Variants in COL5A1 observed in about 807,000 individuals in gnomAD.
COL5A1 encodes collagen type V alpha 1 chain, also known as collagen alpha-1(V) chain.
A neutral mutation model predicts 263.7 loss-of-function variants in COL5A1; 16 were observed. The observed-to-expected ratio is 0.06, with a 90% CI of 0.04 to 0.09. The LOEUF (loss-of-function observed/expected upper bound fraction) is 0.09. Ranked by LOEUF, COL5A1 falls within the 10% of genes least tolerant of loss-of-function variation. The pLI, the probability that COL5A1 is intolerant of heterozygous loss-of-function variation, is 1.00. For synonymous variants in COL5A1, 1,012 were observed against 1,004.5 expected (o/e 1.01, Z -0.14); for missense variants, 2,036 against 2,540.5 (o/e 0.80, Z 4.27).
chr9:134,807,046 A>G lies in COL5A1; in HGVS notation c.3366+750A>G, dbSNP rs146017360. On this transcript the variant is annotated intron_variant, in intron 42 of 65. Transcript: ENST00000371817. Reference sequence around the variant, plus strand: ...GCTTCCTGCTAGCCTGCTTTCGTGAATAACCCACAAAATGCCACTTACCGT... The same window carrying G: ...GCTTCCTGCTAGCCTGCTTTCGTGAGTAACCCACAAAATGCCACTTACCGT... 5.8e-3 allele frequency among the ~76,000 whole-genome samples: 877 copies of G among 152,286 alleles called. 4 individuals carry two copies. The highest frequency in any genetic ancestry group is 1.0e-2 in the Non-Finnish European group (677 of 68,020).
At chr9:134,787,016 C>A (rs1837485349) in intron 31 of COL5A1, among the ~76,000 whole-genome samples, 1 of 152,226 alleles carries the variant, frequency 6.6e-6, no homozygotes, top group Non-Finnish European at 1.5e-5. Context: ...ACCCCATATG[C>A]AGGAGAGGTA....
chr9:134,796,733 G>A (rs1837922846), intron 35 of COL5A1, 115 bp from the exon 36 acceptor site: 2 of 998,652 alleles, frequency 2.0e-6, no homozygotes, highest in East Asian at 2.4e-5. Context: ...GAAAGGCCAT[G>A]GGGGTGGGAA....
At chr9:134,805,097 G>T in intron 40 of COL5A1, 33 bp downstream of exon 40, 1 of 1,613,710 alleles carries the variant, frequency 6.2e-7, no homozygotes, top group Non-Finnish European at 8.5e-7. Context: ...AATGAAATGG[G>T]ACAGGTGCAG....
chr9:134,727,476 G>A (rs1209470334), intron 5 of COL5A1, 79 bp downstream of exon 5: 2 of 1,513,032 alleles, frequency 1.3e-6, no homozygotes, highest in African/African-American at 2.7e-5. Context: ...CATAAGCCAT[G>A]GGACCCTTAT....
intron 1 of COL5A1, among the ~76,000 whole-genome samples, chr9:134,643,892 A>C (rs944141627): frequency 6.6e-6 from 1 of 152,048 alleles, no homozygotes; most frequent in African/African-American, 2.4e-5. Context: ...CATGCACCGG[A>C]CTGGGCTTGG....
intron 5 of COL5A1, among the ~76,000 whole-genome samples, chr9:134,728,208 G>T (rs1435180746): frequency 2.0e-5 from 3 of 152,244 alleles, no homozygotes; most frequent in African/African-American, 7.2e-5. Flanking sequence ...CTCCTGCCAG[G>T]CTCCTCCCAG....
At position 134,739,477 on chromosome 9, in the gene COL5A1, C is replaced by T. The variant is rs182439038; in HGVS notation, c.1494+669C>T. ...GAAACAAGGGCTGCGTGCGGGTGTT[C>T]GCGGGTGTTCACGCCAGGGCCCTGC... On this transcript the variant is annotated intron_variant, in intron 11 of 65. Transcript: ENST00000371817. Among the ~76,000 whole-genome samples the T allele has an allele frequency of 3.2e-4, 49 of 152,284 alleles. 1 individual carries two copies. Among genetic ancestry groups the T allele is most frequent in the Non-Finnish European group, 6.0e-4 (41 of 68,008 alleles).
At chr9:134,731,964 C>T (rs1006224261) in intron 8 of COL5A1, 107 bp from the exon 9 acceptor site, 49 of 1,307,754 alleles carry the variant, frequency 3.7e-5, no homozygotes, top group East Asian at 1.6e-4. Context: ...TGCCCAGCTA[C>T]GATAGTGCCC....
intron 1 of COL5A1, among the ~76,000 whole-genome samples, chr9:134,658,556 C>T (rs186302036): frequency 2.0e-5 from 3 of 152,178 alleles, no homozygotes; most frequent in Admixed American, 6.5e-5. Flanking sequence ...AGGGCCTGGC[C>T]GATTACAAAC....
chr9:134,724,983 A>C (rs549058922), intron 4 of COL5A1, among the ~76,000 whole-genome samples: 1 of 152,276 alleles, frequency 6.6e-6, no homozygotes, highest in South Asian at 2.1e-4. Context: ...CCCGCTGGCT[A>C]CTGTGGCTCT....
chr9:134,816,872 C>T (rs1325526661), intron 52 of COL5A1, among the ~76,000 whole-genome samples, 154 bp from the exon 53 acceptor site: 2 of 152,242 alleles, frequency 1.3e-5, no homozygotes, highest in Non-Finnish European at 2.9e-5. Context: ...GGGTGCGACA[C>T]TGTCTTAGGA....
chr9:134,782,149 G>A (rs551085316), intron 28 of COL5A1, among the ~76,000 whole-genome samples: 1 of 152,212 alleles, frequency 6.6e-6, no homozygotes, highest in Non-Finnish European at 1.5e-5. Flanking sequence ...ACCCAGGGGT[G>A]CGCGGGCCGC....
chr9:134,731,471 C>G (rs747653398), intron 7 of COL5A1, 25 bp from the exon 8 acceptor site: 2 of 1,613,318 alleles, frequency 1.2e-6, no homozygotes, highest in Admixed American at 1.7e-5. Context: ...GCGAGGCAAC[C>G]CTGCGCCTTC....
intron 34 of COL5A1, 21 bp downstream of exon 34, chr9:134,795,336 G>A (rs759110482): frequency 1.9e-6 from 3 of 1,612,654 alleles, no homozygotes; most frequent in African/African-American, 1.3e-5. Context: ...GGCCTCCTGG[G>A]CGGTGGGCGG....
chr9:134,836,800 C>T (rs1387361938), intron 65 of COL5A1, among the ~76,000 whole-genome samples: 1 of 152,230 alleles, frequency 6.6e-6, no homozygotes, highest in East Asian at 1.9e-4. Context: ...AGGGCCATCC[C>T]GCGGCCAGGC....
At chr9:134,728,841 G>T (rs754805982) in intron 6 of COL5A1, 34 bp downstream of exon 6, 2 of 1,613,480 alleles carry the variant, frequency 1.2e-6, no homozygotes, top group Admixed American at 1.7e-5. Context: ...GTTGGGCTGG[G>T]CCCCTCGAGG....
intron 28 of COL5A1, among the ~76,000 whole-genome samples, chr9:134,782,072 G>A (rs1837275571): frequency 1.3e-5 from 2 of 152,218 alleles, no homozygotes; most frequent in Non-Finnish European, 2.9e-5. Context: ...TCTAGACCAG[G>A]GACTCAAACG....
intron 16 of COL5A1, 137 bp from the exon 17 acceptor site, chr9:134,756,628 G>T: frequency 1.1e-6 from 1 of 939,686 alleles, no homozygotes; most frequent in Non-Finnish European, 1.7e-6. Flanking sequence ...GCAGCAGCCC[G>T]GCCACTCGGG....
chr9:134,766,627 C>A, intron 22 of COL5A1, 129 bp downstream of exon 22: 1 of 928,838 alleles, frequency 1.1e-6, no homozygotes, highest in Non-Finnish European at 1.7e-6. Context: ...AGACCCTCTG[C>A]TGTGGTGCCC....
Sources: allele counts gnomAD v4.1 joint callset (sites outside exome capture counted in the v4.1 genomes callset), GRCh38; gene constraint gnomAD v4.1.1; transcripts MANE v1.5; gene names NCBI Gene and HGNC (gene_info 2026-07-23, HGNC 2026-07-21).